Variants in PCCA observed in about 807,000 individuals in gnomAD.
PCCA encodes propionyl-CoA carboxylase alpha chain, mitochondrial.
In PCCA, 74 loss-of-function variants were observed where a neutral mutation model predicts 101.3. The observed-to-expected ratio is 0.73, with a 90% CI of 0.61 to 0.89. PCCA has a LOEUF of 0.89. Among genes scored for constraint, PCCA ranks in the 40% least tolerant of loss-of-function variants. The pLI is 0.00. For missense variants in PCCA, 891 were observed against 907.0 expected (o/e 0.98, Z 0.23); for synonymous variants, 294 against 313.6 (o/e 0.94, Z 0.66).
At chr13:100,218,348 T>G (rs2059633681) in intron 7 of PCCA, among the ~76,000 whole-genome samples, 1 of 151,354 alleles carries the variant, frequency 6.6e-6, no homozygotes, top group African/African-American at 2.4e-5. Flanking sequence ...TGGGTTGTTT[T>G]TTTTTTTTTT....
intron 7 of PCCA, among the ~76,000 whole-genome samples, chr13:100,227,222 C>T (rs1196126804): frequency 6.6e-6 from 1 of 152,154 alleles, no homozygotes; most frequent in African/African-American, 2.4e-5. Flanking sequence ...GGTGATCCGC[C>T]TGCCTCTGCC....
chr13:100,352,736 C>T (rs2073432083), intron 18 of PCCA, among the ~76,000 whole-genome samples: 1 of 151,822 alleles, frequency 6.6e-6, no homozygotes, highest in Non-Finnish European at 1.5e-5. Flanking sequence ...GGGTCTTGCT[C>T]TGTCACCCAG....
At chr13:100,295,394 A>G (rs576904735) in intron 12 of PCCA, among the ~76,000 whole-genome samples, 48 of 152,346 alleles carry the variant, frequency 3.2e-4, no homozygotes, top group African/African-American at 8.4e-4. Context: ...GTTGAATCCA[A>G]CAAGTTCTGC....
chr13:100,096,818 C>T (rs1308827699), intron 1 of PCCA, among the ~76,000 whole-genome samples: 3 of 152,188 alleles, frequency 2.0e-5, no homozygotes, highest in Non-Finnish European at 4.4e-5. Context: ...GTCCTCGCTT[C>T]AGTTCTGCGA....
chr13:100,139,781 T>C (rs1050155324), intron 4 of PCCA, among the ~76,000 whole-genome samples: 6 of 152,338 alleles, frequency 3.9e-5, no homozygotes, highest in Middle Eastern at 3.4e-3. Context: ...GGGTTAATTT[T>C]AGATATTTTG....
intron 12 of PCCA, among the ~76,000 whole-genome samples, chr13:100,278,588 T>C (rs539757399): frequency 6.6e-6 from 1 of 152,160 alleles, no homozygotes; most frequent in African/African-American, 2.4e-5. Flanking sequence ...CAGGCAATTC[T>C]CCTGCCTTAG....
intron 21 of PCCA, among the ~76,000 whole-genome samples, chr13:100,504,595 A>G (rs2085924407): frequency 6.6e-6 from 1 of 152,208 alleles, no homozygotes; most frequent in Non-Finnish European, 1.5e-5. Context: ...AATGATGGCT[A>G]TTAAATACTT....
At chr13:100,264,159 GGTATCTGTATATCGTATA>G (rs2062766248) in intron 10 of PCCA, among the ~76,000 whole-genome samples, 1 of 113,120 alleles carries the variant, frequency 8.8e-6, no homozygotes, top group Admixed American at 9.4e-5. Context: ...GTATATATAT[GGTATCTGTATATCGTATA>G]TATGTGATAT....
At position 100,530,093 on chromosome 13, in the gene PCCA, T is replaced by G. The variant is rs752895575; in HGVS notation, c.2119-5T>G. On this transcript the variant is annotated splice_polypyrimidine_tract_variant and splice_region_variant and intron_variant, in intron 23 of 23. Coordinates refer to ENST00000376285, the MANE Select transcript of PCCA (RefSeq NM_000282.4). ...CCCCTCCCCCTGCATTTTTCAAAAT[T>G]CAAGGTGAAATCTGTGCACTGTCAA... The G allele has an allele frequency of 3.1e-6, 5 of 1,613,238 alleles. No homozygotes were observed. Among genetic ancestry groups the G allele is most frequent in the Non-Finnish European group, 4.2e-6 (5 of 1,179,302 alleles).
chr13:100,506,442 G>T (rs1478890968), intron 21 of PCCA, among the ~76,000 whole-genome samples: 1 of 152,162 alleles, frequency 6.6e-6, no homozygotes, highest in East Asian at 1.9e-4. Flanking sequence ...TTGGCCGACG[G>T]TCTACCTCAC....
intron 20 of PCCA, among the ~76,000 whole-genome samples, chr13:100,437,540 T>G (rs529244445): frequency 2.8e-3 from 136 of 48,774 alleles, no homozygotes; most frequent in African/African-American, 0.015. Flanking sequence ...TGTTTATTTG[T>G]TTTTTTTTTT....
intron 7 of PCCA, among the ~76,000 whole-genome samples, chr13:100,225,617 G>A (rs1043463573): frequency 1.3e-5 from 2 of 152,164 alleles, no homozygotes; most frequent in Non-Finnish European, 2.9e-5. Context: ...GACAAGCTGT[G>A]TCTCAGCAAT....
intron 21 of PCCA, among the ~76,000 whole-genome samples, chr13:100,499,045 C>T (rs2085476703): frequency 1.3e-5 from 2 of 152,162 alleles, no homozygotes; most frequent in African/African-American, 2.4e-5. Context: ...TGTCAATTCA[C>T]GTTATTGTGG....
intron 4 of PCCA, among the ~76,000 whole-genome samples, chr13:100,126,536 G>A (rs944412647): frequency 1.3e-5 from 2 of 151,954 alleles, no homozygotes; most frequent in Non-Finnish European, 2.9e-5. Flanking sequence ...TAAATTGGGG[G>A]TGGGGGTGGA....
chr13:100,409,070 C>T (rs912077649), intron 19 of PCCA, among the ~76,000 whole-genome samples: 1 of 152,128 alleles, frequency 6.6e-6, no homozygotes, highest in African/African-American at 2.4e-5. Flanking sequence ...GCCCTTGGAC[C>T]ATGTGTCCAA....
chr13:100,252,271 A>G (rs2061804586), intron 8 of PCCA, among the ~76,000 whole-genome samples: 1 of 152,170 alleles, frequency 6.6e-6, no homozygotes, highest in Non-Finnish European at 1.5e-5. Flanking sequence ...CCTTGAGGAA[A>G]CAAAGGCCTT....
intron 7 of PCCA, among the ~76,000 whole-genome samples, chr13:100,227,813 G>T (rs1265002235): frequency 6.6e-6 from 1 of 152,100 alleles, no homozygotes; most frequent in Non-Finnish European, 1.5e-5. Flanking sequence ...CCTACCTCCT[G>T]ATTGGAAACC....
chr13:100,090,991 C>CGG (rs2046230172), intron 1 of PCCA, among the ~76,000 whole-genome samples: 1 of 21,426 alleles, frequency 4.7e-5, no homozygotes, highest in East Asian at 0.012. Context: ...TTCTAACAAA[C>CGG]AGAGATGAAT....
chr13:100,146,747 T>C (rs1306533159), intron 4 of PCCA, among the ~76,000 whole-genome samples: 2 of 152,014 alleles, frequency 1.3e-5, no homozygotes, highest in Non-Finnish European at 2.9e-5. Context: ...TGGTGTAGTG[T>C]TGGGAAATTA....
Sources: allele counts gnomAD v4.1 joint callset (sites outside exome capture counted in the v4.1 genomes callset), GRCh38; gene constraint gnomAD v4.1.1; transcripts MANE v1.5; gene names NCBI Gene and HGNC (gene_info 2026-07-23, HGNC 2026-07-21).